PAPPA2: variants seen among roughly 807,000 people sequenced by gnomAD.
PAPPA2 encodes pappalysin-2.
Under a neutral mutation model 176.4 loss-of-function variants are expected in PAPPA2, and 86 were observed. That is an observed-to-expected ratio of 0.49 (90% CI 0.41 to 0.58). PAPPA2 has a LOEUF of 0.58. Ranked by LOEUF, PAPPA2 falls within the 20% of genes least tolerant of loss-of-function variation. PAPPA2 has a pLI of 0.00. For missense variants in PAPPA2, 2,073 were observed against 2,256.9 expected (o/e 0.92, Z 1.65); for synonymous variants, 809 against 852.2 (o/e 0.95, Z 0.88).
chr1:176,724,582 T>C (rs1464713462), intron 12 of PAPPA2, among the ~76,000 whole-genome samples: 3 of 152,210 alleles, frequency 2.0e-5, no homozygotes, highest in African/African-American at 7.2e-5. Context: ...GCTCACAGTG[T>C]CTTCCACATC....
chr1:176,549,772 G>A (rs1321808317), intron 1 of PAPPA2, among the ~76,000 whole-genome samples: 1 of 152,156 alleles, frequency 6.6e-6, no homozygotes, highest in Non-Finnish European at 1.5e-5. Context: ...GGCACCTGAA[G>A]GATGTAGATA....
chr1:176,767,231 A>C (rs983780716), intron 15 of PAPPA2, among the ~76,000 whole-genome samples: 9 of 152,260 alleles, frequency 5.9e-5, no homozygotes, highest in African/African-American at 1.4e-4. Context: ...AAGGGGAGAG[A>C]AGAAAAGACA....
chr1:176,499,411 A>G (rs1216271739), intron 1 of PAPPA2, among the ~76,000 whole-genome samples: 1 of 152,214 alleles, frequency 6.6e-6, no homozygotes, highest in Non-Finnish European at 1.5e-5. Context: ...AACTTATTCC[A>G]AAGATCTATA....
chr1:176,515,826 T>C (rs1236277709), intron 1 of PAPPA2, among the ~76,000 whole-genome samples: 4 of 152,124 alleles, frequency 2.6e-5, no homozygotes, highest in Non-Finnish European at 5.9e-5. Flanking sequence ...CTGTCACTTA[T>C]GCACTCCATT....
chr1:176,656,561 C>T (rs1048943690), intron 3 of PAPPA2, among the ~76,000 whole-genome samples: 3 of 151,732 alleles, frequency 2.0e-5, no homozygotes, highest in Non-Finnish European at 2.9e-5. Flanking sequence ...AAGCTTTTCC[C>T]GGGAAGAGTA....
chr1:176,684,064 C>T (rs572166224), intron 4 of PAPPA2, among the ~76,000 whole-genome samples: 1 of 152,246 alleles, frequency 6.6e-6, no homozygotes, highest in Non-Finnish European at 1.5e-5. Context: ...GCGGGCTAAA[C>T]CATGGATGGA....
At chr1:176,756,666 T>C (rs1184481958) in intron 14 of PAPPA2, among the ~76,000 whole-genome samples, 3 of 152,220 alleles carry the variant, frequency 2.0e-5, no homozygotes, top group Non-Finnish European at 4.4e-5. Flanking sequence ...AATGTAAATC[T>C]GTTTCTCTTC....
chr1:176,577,838 T>C (rs1406357287), intron 2 of PAPPA2, among the ~76,000 whole-genome samples: 1 of 152,162 alleles, frequency 6.6e-6, no homozygotes, highest in East Asian at 1.9e-4. Flanking sequence ...TGACCTAACC[T>C]GGCCCTGTTT....
chr1:176,692,592 G>T (rs907254621), intron 6 of PAPPA2, among the ~76,000 whole-genome samples: 1 of 152,214 alleles, frequency 6.6e-6, no homozygotes, highest in East Asian at 1.9e-4. Context: ...TTGGCAGAAC[G>T]GAGAGGGCAT....
Position 176,555,982 on chromosome 1 carries a change from A to G in PAPPA2, c.-341A>G, listed in dbSNP as rs904085202. 4 of 246,068 alleles carry G rather than the reference A, an allele frequency of 1.6e-5. No individual in the cohort carries two copies. Among genetic ancestry groups the G allele is most frequent in the South Asian group, 1.9e-4 (2 of 10,714 alleles). The allele number at this position is 246,068 out of a possible 1,614,324, so 15.2% of individuals were successfully genotyped here. ...ACTGAAGAAGAAGGGGGGAAAAAAA[A>G]AGAAAGAAATCTGAGCTTTCTGGGA... On this transcript the variant is annotated 5_prime_UTR_variant, in exon 2 of 23. Coordinates refer to ENST00000367662, the MANE Select transcript of PAPPA2 (RefSeq NM_020318.3).
intron 20 of PAPPA2, 94 bp downstream of exon 20, chr1:176,793,763 A>C (rs1571337150): frequency 1.1e-6 from 1 of 915,234 alleles, no homozygotes; most frequent in African/African-American, 1.7e-5. Context: ...AGGCTTTCAA[A>C]GCATCCTCAA....
intron 21 of PAPPA2, among the ~76,000 whole-genome samples, chr1:176,806,010 A>AT (rs1199701521): frequency 2.6e-5 from 4 of 151,578 alleles, no homozygotes; most frequent in African/African-American, 9.7e-5. Context: ...AAAAAAAAAA[A>AT]AAAAGGAAGC....
Position 176,498,574 on chromosome 1 carries a change from A to T in PAPPA2, c.-917+35156A>T, listed in dbSNP as rs534610849. 1.0e-3 allele frequency among the ~76,000 whole-genome samples: 154 copies of T among 151,982 alleles called. 1 individual carries two copies. The highest frequency in any genetic ancestry group is 4.0e-3 in the South Asian group (19 of 4,796). On this transcript the variant is annotated intron_variant, in intron 1 of 22. Coordinates refer to ENST00000367662, the MANE Select transcript of PAPPA2 (RefSeq NM_020318.3). ...AGACAAGCCTGACCAACATGATGAA[A>T]CCCAGTCTCTCCTAAAAATACAAAA...
At chr1:176,834,614 G>A (rs534972903) in intron 21 of PAPPA2, among the ~76,000 whole-genome samples, 92 of 152,302 alleles carry the variant, frequency 6.0e-4, no homozygotes, top group Middle Eastern at 6.8e-3. Context: ...AGTCTCCGAA[G>A]GAGCAACAGT....
At chr1:176,768,948 G>A (rs1004895458) in intron 15 of PAPPA2, among the ~76,000 whole-genome samples, 1 of 152,140 alleles carries the variant, frequency 6.6e-6, no homozygotes, top group Admixed American at 6.5e-5. Flanking sequence ...CTCAAAAGTG[G>A]GCAATTTGAG....
intron 3 of PAPPA2, chr1:176,616,259 AC>A: frequency 4.2e-6 from 2 of 473,788 alleles, no homozygotes; most frequent in South Asian, 1.7e-5. Flanking sequence ...AGCATTAGGC[AC>A]CCCAGTTTTA....
rs183751276 is a variant in PAPPA2, at chr1:176,493,684, C to A, written c.-917+30266C>A. 1.9e-3 allele frequency among the ~76,000 whole-genome samples: 291 copies of A among 152,268 alleles called. 3 individuals carry two copies. Among genetic ancestry groups the A allele is most frequent in the African/African-American group, 6.8e-3 (281 of 41,562 alleles). ...TCTCCCAAATTTACCATCCACAAAA[C>A]CCAGTCTTCTTCTGGAGAGAAGAAA... On this transcript the variant is annotated intron_variant, in intron 1 of 22. Transcript: ENST00000367662.
intron 2 of PAPPA2, among the ~76,000 whole-genome samples, chr1:176,566,849 G>C (rs1162297122): frequency 2.0e-5 from 3 of 152,092 alleles, no homozygotes; most frequent in Non-Finnish European, 2.9e-5. Context: ...TGTGCCTTGA[G>C]GAGGCCAAAT....
rs544264019 is a variant in PAPPA2, at chr1:176,824,023, T to C, written c.5203-16150T>C. Among the ~76,000 whole-genome samples, 5 of 152,224 alleles carry C rather than the reference T, an allele frequency of 3.3e-5. No individual in the cohort carries two copies. The South Asian group carries it at 6.2e-4, about 19-fold the overall frequency. Reference sequence around the variant, plus strand: ...ATACAAAATTATGTCTGCAATAGGATAGTATTTGTTTGCTGGGTGTAATGA... The same window carrying C: ...ATACAAAATTATGTCTGCAATAGGACAGTATTTGTTTGCTGGGTGTAATGA... On this transcript the variant is annotated intron_variant, in intron 21 of 22. Coordinates refer to ENST00000367662, the MANE Select transcript of PAPPA2 (RefSeq NM_020318.3).
Sources: allele counts gnomAD v4.1 joint callset (sites outside exome capture counted in the v4.1 genomes callset), GRCh38; gene constraint gnomAD v4.1.1; transcripts MANE v1.5; gene names NCBI Gene and HGNC (gene_info 2026-07-23, HGNC 2026-07-21).